The following FKBP15 variants were observed in gnomAD, a reference collection of about 807,000 sequenced individuals.
FKBP15 encodes FKBP prolyl isomerase family member 15, also known as FK506-binding protein 15.
FKBP15 carries 106 observed loss-of-function variants against 158.1 expected under a neutral mutation model. The observed-to-expected ratio is 0.67, with a 90% CI of 0.57 to 0.79. FKBP15 has a LOEUF of 0.79. Ranked by LOEUF, FKBP15 falls within the 30% of genes least tolerant of loss-of-function variation. FKBP15 has a pLI of 0.00. For synonymous variants in FKBP15, 547 were observed against 548.6 expected (o/e 1.00, Z 0.04); for missense variants, 1,287 against 1,479.1 (o/e 0.87, Z 2.13).
rs960055821 is a variant in FKBP15 at position 113,216,084 on chromosome 9, A to G, written c.54-4492T>C. Among the ~76,000 whole-genome samples, 36 of 40,686 alleles carry G rather than the reference A, an allele frequency of 8.8e-4. No homozygotes were observed. In the East Asian group the frequency reaches 0.017, roughly 19 times the overall value. 26.7% of individuals were successfully genotyped at this position (40,686 alleles called of 152,430 possible). On this transcript the variant is annotated intron_variant, in intron 1 of 27. Transcript: ENST00000238256. ...GGTTGGACACAACCTTTATTTTGTG[A>G]AAAAAAAAAAAAAAAAAATCTGCAA...
rs970253496 is a variant in FKBP15 at position 113,165,046 on chromosome 9, C to G, written c.*1032G>C. On this transcript the variant is annotated 3_prime_UTR_variant, in exon 28 of 28. Transcript: ENST00000238256. ...ACATTTTTTATTAAAATTAATTATT[C>G]TGTTTTTTTAAAGACTGATTGCATA... is the stretch of plus-strand genomic sequence containing the variant. The G allele has an allele frequency of 2.0e-5, 3 of 149,514 alleles. No homozygotes were observed. The highest frequency in any genetic ancestry group is 3.0e-5 in the Non-Finnish European group (2 of 66,710). The allele number at this position is 149,514 out of a possible 1,614,324, so 9.3% of individuals were successfully genotyped here.
intron 14 of FKBP15, chr9:113,187,150 T>C (rs1830499166): frequency 6.6e-6 from 1 of 152,404 alleles, no homozygotes. Flanking sequence ...TGGGACTTTT[T>C]CCAGTTTCGA....
At chr9:113,203,149 A>G in intron 4 of FKBP15, 114 bp from the exon 5 acceptor site, 1 of 688,682 alleles carries the variant, frequency 1.5e-6, no homozygotes, top group South Asian at 1.8e-5. Context: ...TGTGCTTCAT[A>G]CTAAACTCAA....
rs528719122 is a variant in FKBP15, at chr9:113,194,216, T to C, written c.865-47A>G. 4.9e-6 allele frequency: 7 copies of C among 1,427,792 alleles called. No individual in the cohort carries two copies. The African/African-American group carries it at 9.9e-5, about 20-fold the overall frequency. The allele number at this position is 1,427,792 out of a possible 1,614,324, so 88.4% of individuals were successfully genotyped here. On this transcript the variant is annotated intron_variant, in intron 9 of 27. Coordinates refer to ENST00000238256, the MANE Select transcript of FKBP15 (RefSeq NM_015258.2). The stretch of plus-strand genomic sequence containing the variant: ...TCACTCATAGGTGGGAATTGAACAA[T>C]GAGATCACATGGACACAGGAAGGGG...
intron 27 of FKBP15, among the ~76,000 whole-genome samples, chr9:113,168,223 T>C (rs973602263): frequency 6.6e-6 from 1 of 152,044 alleles, no homozygotes; most frequent in Non-Finnish European, 1.5e-5. Context: ...GGGGACTAAT[T>C]CCTGCATGGA....
In FKBP15 at chr9:113,198,061, T is replaced by G. The variant is rs1830721389; in HGVS notation, c.717+794A>C. 6.6e-6 allele frequency among the ~76,000 whole-genome samples: 1 copy of G among 152,178 alleles called. No homozygotes were observed. Among genetic ancestry groups the G allele is most frequent in the South Asian group, 2.1e-4 (1 of 4,834 alleles). ...CCACATGTGTAAAACATTCTTTATTTTATAAAACACCTGCACAGTTAATAA... is the reference window on the plus strand; with the variant it reads ...CCACATGTGTAAAACATTCTTTATTGTATAAAACACCTGCACAGTTAATAA... On this transcript the variant is annotated intron_variant, in intron 8 of 27. Transcript: ENST00000238256. The surrounding 1 kb of genome is among the most constrained non-coding windows in gnomAD (Gnocchi z 5.2).
At chr9:113,180,124 G>C (rs1269163598) in intron 19 of FKBP15, among the ~76,000 whole-genome samples, 1 of 152,210 alleles carries the variant, frequency 6.6e-6, no homozygotes, top group Non-Finnish European at 1.5e-5. Context: ...CCAAAGGCGT[G>C]CCAATGAAAT....
At chr9:113,196,908 C>G in intron 9 of FKBP15, 24 bp downstream of exon 9, 1 of 1,610,484 alleles carries the variant, frequency 6.2e-7, no homozygotes, top group Non-Finnish European at 8.5e-7. Context: ...ACTCATCAAA[C>G]AAAACACAGA....
intron 27 of FKBP15, among the ~76,000 whole-genome samples, chr9:113,166,918 TCTA>T (rs1396004806): frequency 5.3e-5 from 8 of 152,200 alleles, no homozygotes; most frequent in Admixed American, 5.2e-4. Flanking sequence ...CTGAATAGTC[TCTA>T]CTAAGGCATT....
In FKBP15 at chr9:113,174,460, G is replaced by A. The variant is rs199542319; in HGVS notation, c.2347C>T (p.Arg783Ter). Residue 783 changes from arginine (R) to a stop codon, truncating the protein, a stop_gained, in exon 22 of 28, where the codon CGA becomes TGA. Transcript: ENST00000238256. LOFTEE classifies it high-confidence loss of function. ...GCAGCTGCTTGGTCTGTGGACACTC[G>A]AGTCTTTTTCAAGAGCTGTCGAAGT... ...DKLRQLLKKT[R>*]VSTDQAAAEQ... 6 of 1,613,928 alleles carry A rather than the reference G, an allele frequency of 3.7e-6. No individual in the cohort carries two copies. Among genetic ancestry groups the A allele is most frequent in the African/African-American group, 1.3e-5 (1 of 75,022 alleles).
At position 113,162,746 on chromosome 9, in the gene FKBP15, T is replaced by C; in HGVS notation, c.*3332A>G. ...GATTAACTTGCTTCTCCTTTTTATC[T>C]AGGTGGTATTTGTGTCACTTTGGCC... On this transcript the variant is annotated 3_prime_UTR_variant, in exon 28 of 28. Coordinates refer to ENST00000238256, the MANE Select transcript of FKBP15 (RefSeq NM_015258.2). 6.2e-7 allele frequency: 1 copy of C among 1,609,456 alleles called. No individual in the cohort carries two copies. The highest frequency in any genetic ancestry group is 8.5e-7 in the Non-Finnish European group (1 of 1,177,522).
At chr9:113,178,380 G>T (rs901041588) in intron 20 of FKBP15, among the ~76,000 whole-genome samples, 1 of 152,166 alleles carries the variant, frequency 6.6e-6, no homozygotes, top group African/African-American at 2.4e-5. Flanking sequence ...AAGTACCAAA[G>T]ATTTTGAAGC....
intron 22 of FKBP15, 115 bp from the exon 23 acceptor site, chr9:113,173,720 T>C (rs1321840338): frequency 9.5e-7 from 1 of 1,048,952 alleles, no homozygotes; most frequent in African/African-American, 1.6e-5. Context: ...AGCCCAGATT[T>C]AACTGGGAAA....
At chr9:113,199,714 A>C (rs1428520709) in intron 7 of FKBP15, 100 bp downstream of exon 7, 2 of 1,258,384 alleles carry the variant, frequency 1.6e-6, no homozygotes, top group Non-Finnish European at 2.2e-6. Context: ...AAATATTTCT[A>C]TTTGACAACA....
At chr9:113,217,803 T>A (rs1172964835) in intron 1 of FKBP15, among the ~76,000 whole-genome samples, 1 of 152,092 alleles carries the variant, frequency 6.6e-6, no homozygotes, top group Non-Finnish European at 1.5e-5. Flanking sequence ...ACTGCACCAG[T>A]GCACTCCAGC....
chr9:113,187,977 A>G, intron 13 of FKBP15, 78 bp from the exon 14 acceptor site: 1 of 1,019,488 alleles, frequency 9.8e-7, no homozygotes, highest in Non-Finnish European at 1.5e-6. Flanking sequence ...CTTACATACT[A>G]TCATGCTTCA....
chr9:113,221,222 C>T lies in FKBP15; in HGVS notation c.22G>A (p.Asp8Asn). 1 of 1,609,836 alleles carries T rather than the reference C, an allele frequency of 6.2e-7. No homozygotes were observed. Among genetic ancestry groups the T allele is most frequent in the Non-Finnish European group, 8.5e-7 (1 of 1,178,136 alleles). Residue 8 changes from aspartate to asparagine, a missense_variant, in exon 1 of 28, where the codon GAC (aspartate) becomes AAC (asparagine). By Grantham distance (23) the Asp-to-Asn change is conservative. Transcript: ENST00000238256. ...CTCGGCGAGAGGAAATCGGTGTCGT[C>T]CTCGTCCCCCGCACCGAACATTGCG... Reference protein sequence around the residue: MFGAGDEDDTDFLSPSGG... With the variant: MFGAGDENDTDFLSPSGG...
chr9:113,195,469 C>G (rs557332588), intron 9 of FKBP15, among the ~76,000 whole-genome samples: 1 of 152,140 alleles, frequency 6.6e-6, no homozygotes, highest in South Asian at 2.1e-4. Context: ...GGAAAATTGA[C>G]AGAGAATATA....
chr9:113,179,311 A>C (rs929315154), intron 19 of FKBP15, among the ~76,000 whole-genome samples: 2 of 152,180 alleles, frequency 1.3e-5, no homozygotes, highest in Non-Finnish European at 2.9e-5. Flanking sequence ...GCCTTATTCC[A>C]AAGTCTTTAT....
Sources: gnomAD v4.1 joint callset for allele counts (sites outside exome capture counted in the v4.1 genomes callset) on GRCh38, gnomAD v4.1.1 for gene constraint, Gnocchi (gnomAD v3.1) non-coding constraint, MANE v1.5 for transcripts, NCBI Gene and HGNC (gene_info 2026-07-23, HGNC 2026-07-21) for gene names.